The following PCDH15 variants were observed in gnomAD, a reference collection of about 807,000 sequenced individuals.
The protein encoded by PCDH15 is protocadherin-15.
In PCDH15, 129 loss-of-function variants were observed where a neutral mutation model predicts 178.5. The ratio of observed to expected loss-of-function variants is 0.72; its 90% confidence interval spans 0.63 to 0.84. PCDH15 has a LOEUF of 0.84. Among genes scored for constraint, PCDH15 ranks in the 40% least tolerant of loss-of-function variants. The pLI, the probability that PCDH15 is intolerant of heterozygous loss-of-function variation, is 0.00. For synonymous variants in PCDH15, 800 were observed against 732.0 expected (o/e 1.09, Z -1.50); for missense variants, 2,230 against 2,099.9 (o/e 1.06, Z -1.21).
At chr10:55,557,916 G>A (rs777371444) in intron 2 of PCDH15, among the ~76,000 whole-genome samples, 9 of 152,030 alleles carry the variant, frequency 5.9e-5, no homozygotes, top group Non-Finnish European at 1.3e-4. Flanking sequence ...AGAGCATTGG[G>A]GAAAACCTAT....
chr10:53,832,022 A>ATCAATGCCATGCTTGT (rs2077043344), intron 29 of PCDH15, among the ~76,000 whole-genome samples: 1 of 152,124 alleles, frequency 6.6e-6, no homozygotes, highest in African/African-American at 2.4e-5. Context: ...CACCAAACTA[A>ATCAATGCCATGCTTGT]GATTTCAGAC....
intron 5 of PCDH15, 100 bp downstream of exon 5, chr10:54,369,020 A>T: frequency 7.6e-7 from 1 of 1,319,182 alleles, no homozygotes; most frequent in Non-Finnish European, 1.1e-6. Context: ...CTAAACAGTT[A>T]AGCTCATAAT....
At chr10:54,908,354 C>A (rs1371259759) in intron 2 of PCDH15, among the ~76,000 whole-genome samples, 1 of 152,158 alleles carries the variant, frequency 6.6e-6, no homozygotes, top group African/African-American at 2.4e-5. Flanking sequence ...CGTACCATAA[C>A]CAGCTTCTAC....
At chr10:54,929,715 G>C (rs909717048) in intron 2 of PCDH15, among the ~76,000 whole-genome samples, 1 of 152,094 alleles carries the variant, frequency 6.6e-6, no homozygotes, top group African/African-American at 2.4e-5. Context: ...CTGAGTGTGT[G>C]GCTTTTCTGG....
chr10:54,016,568 A>G (rs2092746946), intron 20 of PCDH15, among the ~76,000 whole-genome samples: 1 of 152,190 alleles, frequency 6.6e-6, no homozygotes, highest in African/African-American at 2.4e-5. Context: ...GAATGAGATC[A>G]TGTCCTTTGC....
In PCDH15 at chr10:53,811,622, A is replaced by G; in HGVS notation, c.4492-3T>C. 1 of 1,537,074 alleles carries G rather than the reference A, an allele frequency of 6.5e-7. No individual in the cohort carries two copies. The highest frequency in any genetic ancestry group is 1.3e-5 in the South Asian group (1 of 74,202). ...ATTCCAGACTCCATGGATAATTCCT[A>G]TTGTTCAAAAAGAAAAATTGCATTT... On this transcript the variant is annotated splice_region_variant and splice_polypyrimidine_tract_variant and intron_variant, in intron 35 of 37. Coordinates refer to ENST00000644397, the MANE Select transcript of PCDH15 (RefSeq NM_001384140.1).
At chr10:54,914,192 T>A (rs369572494) in intron 2 of PCDH15, among the ~76,000 whole-genome samples, 1 of 152,236 alleles carries the variant, frequency 6.6e-6, no homozygotes, top group African/African-American at 2.4e-5. Flanking sequence ...ATTCTCAGTG[T>A]TTGAGGAGGG....
intron 3 of PCDH15, among the ~76,000 whole-genome samples, chr10:54,385,086 T>C (rs1399427184): frequency 6.6e-6 from 1 of 152,142 alleles, no homozygotes; most frequent in Admixed American, 6.5e-5. Context: ...AAAGGTCACA[T>C]CATAATCCTC....
At chr10:55,255,260 T>G (rs1317977135) in intron 1 of PCDH15, among the ~76,000 whole-genome samples, 1 of 151,980 alleles carries the variant, frequency 6.6e-6, no homozygotes, top group Non-Finnish European at 1.5e-5. Flanking sequence ...GCTTCATCCA[T>G]GTCCCTACAA....
chr10:53,880,516 A>G (rs2080627890), intron 26 of PCDH15, among the ~76,000 whole-genome samples: 2 of 152,176 alleles, frequency 1.3e-5, no homozygotes, highest in African/African-American at 4.8e-5. Context: ...TTAAATCTGA[A>G]TGTCGAATCC....
At chr10:55,063,945 A>T (rs781458157) in intron 2 of PCDH15, among the ~76,000 whole-genome samples, 14 of 152,154 alleles carry the variant, frequency 9.2e-5, no homozygotes, top group African/African-American at 3.4e-4. Flanking sequence ...GCTGGGATCA[A>T]ATCAGGATAT....
At chr10:54,745,245 T>C (rs1945299562) in intron 1 of PCDH15, among the ~76,000 whole-genome samples, 1 of 152,174 alleles carries the variant, frequency 6.6e-6, no homozygotes. Flanking sequence ...CCTGTGTTCT[T>C]CCAAAATTTT....
At chr10:53,991,142 C>T (rs2091449445) in intron 21 of PCDH15, among the ~76,000 whole-genome samples, 1 of 152,138 alleles carries the variant, frequency 6.6e-6, no homozygotes, top group Admixed American at 6.5e-5. Context: ...CAGGGTGCTG[C>T]CCCCTGCTCC....
chr10:54,436,062 A>G (rs1308427439), intron 3 of PCDH15, among the ~76,000 whole-genome samples: 1 of 143,672 alleles, frequency 7.0e-6, no homozygotes, highest in Non-Finnish European at 1.5e-5. Flanking sequence ...AAAGAAAGAA[A>G]GAAAGAAAGA....
At chr10:55,256,293 G>A (rs1841996482) in intron 1 of PCDH15, among the ~76,000 whole-genome samples, 2 of 152,182 alleles carry the variant, frequency 1.3e-5, no homozygotes, top group Admixed American at 6.5e-5. Flanking sequence ...AGCTCCCAGT[G>A]TGAGCGAGGC....
chr10:55,465,277 T>G (rs1839808747), intron 2 of PCDH15, among the ~76,000 whole-genome samples: 1 of 152,136 alleles, frequency 6.6e-6, no homozygotes, highest in African/African-American at 2.4e-5. Context: ...CAGTATTTCT[T>G]TAGGTTGGAA....
chr10:53,966,759 T>A (rs952104987), intron 21 of PCDH15, among the ~76,000 whole-genome samples: 2 of 151,930 alleles, frequency 1.3e-5, no homozygotes, highest in African/African-American at 4.8e-5. Context: ...ATATAATAGA[T>A]ATGATCGAAG....
chr10:54,954,672 G>A (rs1838435467), intron 2 of PCDH15, among the ~76,000 whole-genome samples: 1 of 151,082 alleles, frequency 6.6e-6, no homozygotes, highest in East Asian at 1.9e-4. Flanking sequence ...CTTTACACTT[G>A]TATTTTCTAA....
chr10:55,298,573 T>C (rs1425114820), intron 1 of PCDH15, among the ~76,000 whole-genome samples: 1 of 152,100 alleles, frequency 6.6e-6, no homozygotes, highest in Non-Finnish European at 1.5e-5. Context: ...ACCAACTGGA[T>C]AGTGTCGACT....
Sources: allele counts gnomAD v4.1 joint callset (sites outside exome capture counted in the v4.1 genomes callset), GRCh38; gene constraint gnomAD v4.1.1; transcripts MANE v1.5; gene names NCBI Gene and HGNC (gene_info 2026-07-23, HGNC 2026-07-21).